TALDO1: variants seen among roughly 807,000 people sequenced by gnomAD.
TALDO1 encodes transaldolase.
A neutral mutation model predicts 38.1 loss-of-function variants in TALDO1; 29 were observed. The observed-to-expected ratio is 0.76, with a 90% confidence interval of 0.57 to 1.04. The LOEUF is 1.04. Ranked by LOEUF, TALDO1 falls within the 50% of genes least tolerant of loss-of-function variation. TALDO1 has a pLI of 0.00. For synonymous variants in TALDO1, 207 were observed against 176.8 expected (o/e 1.17, Z -1.36); for missense variants, 499 against 438.1 (o/e 1.14, Z -1.24).
Position 763,921 on chromosome 11 carries a change from T to A in TALDO1, c.812T>A (p.Val271Glu). The A allele has an allele frequency of 6.2e-7, 1 of 1,611,338 alleles. No individual in the cohort carries two copies. The highest frequency in any genetic ancestry group is 8.5e-7 in the Non-Finnish European group (1 of 1,179,912). The change falls in exon 6 of 8, where the codon GTG (valine) becomes GAG (glutamate). Residue 271 changes from valine to glutamate, a missense_variant. Val to Glu is a moderately radical substitution (Grantham distance 121). Coordinates refer to ENST00000319006, the MANE Select transcript of TALDO1 (RefSeq NM_006755.2). Reference protein sequence around the residue: ...GELLQDNAKLVPVLSAKAAQA... With the variant: ...GELLQDNAKLEPVLSAKAAQA... ...CTGCTGCAGGACAACGCCAAGCTGGTGCCTGTGCTCTCAGCCAAGGCGGGT... is the reference window on the plus strand; with the variant it reads ...CTGCTGCAGGACAACGCCAAGCTGGAGCCTGTGCTCTCAGCCAAGGCGGGT...
At chr11:749,669 C>T in intron 1 of TALDO1, among the ~76,000 whole-genome samples, 1 of 152,132 alleles carries the variant, frequency 6.6e-6, no homozygotes, top group African/African-American at 2.4e-5. Context: ...GTTTAAGGAT[C>T]CCTGGACCCT....
chr11:763,346 A>G lies in TALDO1; in HGVS notation c.464A>G (p.Glu155Gly), dbSNP rs2133582086. 6.3e-7 allele frequency: 1 copy of G among 1,589,810 alleles called. No homozygotes were observed. Among genetic ancestry groups the G allele is most frequent in the Non-Finnish European group, 8.6e-7 (1 of 1,168,256 alleles). ...STWEGIQAGKELEEQHGIHCN... is the reference protein window; with the variant it reads ...STWEGIQAGKGLEEQHGIHCN... ...CCTCACCTGTCCCCGCCCCGCAGGG[A>G]GCTCGAGGAGCAGCACGGCATCCAC... Residue 155 changes from glutamate to glycine, a missense_variant and splice_region_variant, in exon 5 of 8, where the codon GAG becomes GGG. By Grantham distance (98) the Glu-to-Gly change is moderately conservative. Transcript: ENST00000319006.
intron 7 of TALDO1, 87 bp from the exon 8 acceptor site, chr11:764,726 C>T: frequency 6.2e-7 from 1 of 1,602,984 alleles, no homozygotes; most frequent in Non-Finnish European, 8.5e-7. Flanking sequence ...CCACAAGGGC[C>T]TCCCTCCTTC....
chr11:760,444 A>G (rs966928899), intron 4 of TALDO1, 191 bp downstream of exon 4: 4 of 759,746 alleles, frequency 5.3e-6, no homozygotes, highest in African/African-American at 5.3e-5. Context: ...CAGCTCCCTC[A>G]CTTGCTGGTG....
rs1190047619 is a variant in TALDO1, at chr11:747,591, C to T, written c.97+13C>T. On this transcript the variant is annotated intron_variant, in intron 1 of 7. Transcript: ENST00000319006. ...GGCGACTTCCACGGTGAGGACGGCGCGGAGCCCGGGCGCGGCGCAAGCGCC... is the reference window on the plus strand; with the variant it reads ...GGCGACTTCCACGGTGAGGACGGCGTGGAGCCCGGGCGCGGCGCAAGCGCC... The T allele has an allele frequency of 1.2e-5, 19 of 1,557,648 alleles. No homozygotes were observed. Among genetic ancestry groups the T allele is most frequent in the Non-Finnish European group, 1.5e-5 (17 of 1,154,618 alleles).
In TALDO1 at chr11:750,268, C is replaced by T. The variant is rs571231284; in HGVS notation, c.97+2690C>T. Among the ~76,000 whole-genome samples the T allele has an allele frequency of 4.6e-5, 7 of 152,142 alleles. No homozygotes were observed. The East Asian group carries it at 1.4e-3, about 29-fold the overall frequency. On this transcript the variant is annotated intron_variant, in intron 1 of 7. Transcript: ENST00000319006. The stretch of plus-strand genomic sequence containing the variant: ...CCTCTATAGTTTTGTCATTAAAGGA[C>T]CCTTTGAAAGTACTTATTCCAGCCT...
rs764708645 is a variant in TALDO1, at chr11:763,835, C to T, written c.726C>T (p.Gly242=). The T allele has an allele frequency of 2.9e-5, 47 of 1,613,914 alleles. No homozygotes were observed. In the Middle Eastern group the frequency reaches 4.9e-4, roughly 17 times the overall value. The change falls in exon 6 of 8, where the codon GGC becomes GGT. Residue 242 remains glycine (G), a synonymous_variant. Transcript: ENST00000319006. ...IVMGASFRNT[G]EIKALAGCDF... is the part of the protein sequence containing the mutation. The stretch of plus-strand genomic sequence containing the variant: ...TGGGCGCCTCCTTCCGCAACACGGG[C>T]GAGATCAAAGCACTGGCCGGCTGTG...
At chr11:753,348 G>A (rs1397229729) in intron 1 of TALDO1, among the ~76,000 whole-genome samples, 3 of 151,952 alleles carry the variant, frequency 2.0e-5, no homozygotes, top group South Asian at 2.1e-4. Context: ...TGGCTAACAC[G>A]GTGAAACCCC....
intron 4 of TALDO1, chr11:760,788 A>T (rs1862913862): frequency 6.4e-6 from 1 of 156,758 alleles, no homozygotes; most frequent in African/African-American, 2.6e-5. Flanking sequence ...GGCTCCCAGC[A>T]CTTTGGGAGG....
chr11:757,142 T>C (rs1862851408), intron 2 of TALDO1, among the ~76,000 whole-genome samples: 1 of 152,036 alleles, frequency 6.6e-6, no homozygotes, highest in Non-Finnish European at 1.5e-5. Context: ...TCCTCTCTCT[T>C]CTTAGCTCCC....
chr11:762,737 G>C (rs954093292), intron 4 of TALDO1, among the ~76,000 whole-genome samples: 1 of 152,266 alleles, frequency 6.6e-6, no homozygotes, highest in Non-Finnish European at 1.5e-5. Context: ...CGTCCTTGGG[G>C]ATCAACCCCA....
chr11:764,882 G>A lies in TALDO1; in HGVS notation c.*37G>A, dbSNP rs369929962. 1.8e-5 allele frequency: 29 copies of A among 1,613,590 alleles called. No individual in the cohort carries two copies. The highest frequency in any genetic ancestry group is 1.7e-4 in the African/African-American group (13 of 74,938). ...GGCTGGACTCCAGATCTGCACCGCCGGCCAGCTGGGATCTGACTGCACGTG... is the reference window on the plus strand; with the variant it reads ...GGCTGGACTCCAGATCTGCACCGCCAGCCAGCTGGGATCTGACTGCACGTG... On this transcript the variant is annotated 3_prime_UTR_variant, in exon 8 of 8. Transcript: ENST00000319006.
At chr11:751,008 GTTAAAA>G (rs1313988171) in intron 1 of TALDO1, among the ~76,000 whole-genome samples, 1 of 152,142 alleles carries the variant, frequency 6.6e-6, no homozygotes, top group African/African-American at 2.4e-5. Context: ...TAACTAATGT[GTTAAAA>G]GAAACAATAG....
At chr11:762,631 C>T (rs1022753169) in intron 4 of TALDO1, among the ~76,000 whole-genome samples, 4 of 152,250 alleles carry the variant, frequency 2.6e-5, no homozygotes, top group Non-Finnish European at 4.4e-5. Flanking sequence ...GTGGCAGAGG[C>T]GCCTGGGGAG....
rs754896813 is a variant in TALDO1 at position 764,448 on chromosome 11, T to C, written c.981+15T>C. 6.2e-7 allele frequency: 1 copy of C among 1,608,968 alleles called. No homozygotes were observed. Among genetic ancestry groups the C allele is most frequent in the South Asian group, 1.1e-5 (1 of 90,940 alleles). On this transcript the variant is annotated intron_variant, in intron 7 of 7. Coordinates refer to ENST00000319006, the MANE Select transcript of TALDO1 (RefSeq NM_006755.2). ...GGATGCTGACAGTGAGTGTTGTGTGTGGGTACCTACATATGCCAAGCCCTA... is the reference window on the plus strand; with the variant it reads ...GGATGCTGACAGTGAGTGTTGTGTGCGGGTACCTACATATGCCAAGCCCTA...
intron 1 of TALDO1, among the ~76,000 whole-genome samples, chr11:755,557 G>C (rs562626929): frequency 6.6e-6 from 1 of 152,162 alleles, no homozygotes; most frequent in Non-Finnish European, 1.5e-5. Flanking sequence ...GTGGTGGTAC[G>C]GCAGTGGGAT....
chr11:752,315 C>G (rs1029351667), intron 1 of TALDO1: 2 of 151,306 alleles, frequency 1.3e-5, no homozygotes, highest in Admixed American at 1.3e-4. Flanking sequence ...CTCCTGACCT[C>G]GTGATCTGCC....
chr11:747,763 C>T (rs563008689), intron 1 of TALDO1, among the ~76,000 whole-genome samples, 185 bp downstream of exon 1: 212 of 151,978 alleles, frequency 1.4e-3, no homozygotes, highest in African/African-American at 4.9e-3. Flanking sequence ...GGAGCGGGGC[C>T]CGGGTCGGCC....
rs751095420 is a variant in TALDO1 at position 764,596 on chromosome 11, G to A, written c.981+163G>A. On this transcript the variant is annotated intron_variant, in intron 7 of 7. Coordinates refer to ENST00000319006, the MANE Select transcript of TALDO1 (RefSeq NM_006755.2). ...CTGTTGAGGCCATCCCAGGGTGGAG[G>A]GTGCATGGCACCCAGGGGTGCCCCC... 2.4e-5 allele frequency: 32 copies of A among 1,352,520 alleles called. No individual in the cohort carries two copies. In the Admixed American group the frequency reaches 3.8e-4, roughly 16 times the overall value. 83.8% of individuals were successfully genotyped at this position (1,352,520 alleles called of 1,614,324 possible).
Sources: allele counts gnomAD v4.1 joint callset (sites outside exome capture counted in the v4.1 genomes callset), GRCh38; gene constraint gnomAD v4.1.1; transcripts MANE v1.5; gene names NCBI Gene and HGNC (gene_info 2026-07-23, HGNC 2026-07-21).